The following JPH1 variants were observed in gnomAD, a reference collection of about 807,000 sequenced individuals.
JPH1 encodes junctophilin 1, also known as junctophilin-1.
Under a neutral mutation model 53.6 loss-of-function variants are expected in JPH1, and 12 were observed. The observed-to-expected ratio is 0.22, with a 90% CI of 0.14 to 0.36. The LOEUF (loss-of-function observed/expected upper bound fraction) is 0.36, where lower values mean the gene tolerates loss of function less well. JPH1 is among the 10% of genes least tolerant of loss of function. The probability of loss-of-function intolerance (pLI) is 1.00; values close to 1 mark genes in which losing one functional copy is unlikely to be tolerated. For missense variants in JPH1, 808 were observed against 905.5 expected, an observed-to-expected ratio of 0.89 and a Z score of 1.38; for synonymous variants, 375 against 363.8, an observed-to-expected ratio of 1.03 and a Z score of -0.35.
intron 3 of JPH1, among the ~76,000 whole-genome samples, chr8:74,249,101 C>T (rs927738812): frequency 1.3e-5 from 2 of 152,174 alleles, no homozygotes; most frequent in African/African-American, 2.4e-5. Context: ...AAAGGTTACT[C>T]GTTACAGTTG....
At chr8:74,306,347 T>C (rs1197563356) in intron 2 of JPH1, among the ~76,000 whole-genome samples, 1 of 152,214 alleles carries the variant, frequency 6.6e-6, no homozygotes, top group African/African-American at 2.4e-5. Flanking sequence ...CCCCTTGATA[T>C]GGACAATCAT....
At chr8:74,293,324 A>G (rs1294691273) in intron 2 of JPH1, among the ~76,000 whole-genome samples, 3 of 152,202 alleles carry the variant, frequency 2.0e-5, no homozygotes, top group Non-Finnish European at 4.4e-5. Flanking sequence ...ATGTGACCCC[A>G]TAAGAGTAAG....
At chr8:74,285,633 T>C (rs950591740) in intron 2 of JPH1, among the ~76,000 whole-genome samples, 6 of 83,576 alleles carry the variant, frequency 7.2e-5, no homozygotes, top group Non-Finnish European at 1.1e-4. Context: ...TCCCACCTAG[T>C]GTGATTATTC....
intron 4 of JPH1, among the ~76,000 whole-genome samples, chr8:74,240,051 A>G (rs187410917): frequency 6.6e-6 from 1 of 152,144 alleles, no homozygotes; most frequent in South Asian, 2.1e-4. Context: ...GGCTCACCGT[A>G]ACCTCTGCCT....
chr8:74,250,556 G>A (rs1806016299), intron 3 of JPH1, among the ~76,000 whole-genome samples: 1 of 152,342 alleles, frequency 6.6e-6, no homozygotes, highest in East Asian at 1.9e-4. Context: ...AAGCAAGCTT[G>A]TACAACCCGT....
chr8:74,305,144 A>G (rs907898543), intron 2 of JPH1, among the ~76,000 whole-genome samples: 1 of 152,260 alleles, frequency 6.6e-6, no homozygotes, highest in Non-Finnish European at 1.5e-5. Flanking sequence ...TATTTCATCT[A>G]TAATAAGAAA....
chr8:74,269,820 C>T (rs188127190), intron 2 of JPH1, among the ~76,000 whole-genome samples: 1 of 152,342 alleles, frequency 6.6e-6, no homozygotes, highest in African/African-American at 2.4e-5. Context: ...GTCTCCTAAC[C>T]TTTAGGATGA....
At chr8:74,287,757 A>G (rs1444246709) in intron 2 of JPH1, among the ~76,000 whole-genome samples, 3 of 151,846 alleles carry the variant, frequency 2.0e-5, no homozygotes, top group Non-Finnish European at 4.4e-5. Flanking sequence ...CTGACTATAC[A>G]TTTCATTCAC....
At chr8:74,237,498 C>A (rs1376147068) in intron 4 of JPH1, among the ~76,000 whole-genome samples, 195 bp from the exon 5 acceptor site, 1 of 152,228 alleles carries the variant, frequency 6.6e-6, no homozygotes, top group East Asian at 1.9e-4. Context: ...AGAACCTTCA[C>A]TTAAAAATGA....
At chr8:74,319,183 A>G (rs1808244201) in intron 1 of JPH1, among the ~76,000 whole-genome samples, 1 of 152,190 alleles carries the variant, frequency 6.6e-6, no homozygotes, top group South Asian at 2.1e-4. Context: ...ATTACTAGGT[A>G]TAATGAATAC....
At chr8:74,264,098 G>C (rs1486453106) in intron 2 of JPH1, among the ~76,000 whole-genome samples, 1 of 152,174 alleles carries the variant, frequency 6.6e-6, no homozygotes, top group Non-Finnish European at 1.5e-5. Context: ...GCTCAGCACA[G>C]GTACACATAG....
At chr8:74,241,461 G>C (rs957815164) in intron 4 of JPH1, among the ~76,000 whole-genome samples, 4 of 152,054 alleles carry the variant, frequency 2.6e-5, no homozygotes, top group Non-Finnish European at 5.9e-5. Context: ...CAGGGCACAG[G>C]GTAAGTCTTG....
At chr8:74,256,308 C>T (rs184010067) in intron 3 of JPH1, among the ~76,000 whole-genome samples, 10 of 151,450 alleles carry the variant, frequency 6.6e-5, no homozygotes, top group South Asian at 4.2e-4. Context: ...AACCAAACAC[C>T]GCATGTTCTC....
chr8:74,270,740 C>T (rs1452921971), intron 2 of JPH1, among the ~76,000 whole-genome samples: 1 of 152,180 alleles, frequency 6.6e-6, no homozygotes, highest in Non-Finnish European at 1.5e-5. Context: ...TCCTCTGGTC[C>T]TCATAGATTG....
intron 4 of JPH1, among the ~76,000 whole-genome samples, chr8:74,243,305 A>G (rs894416710): frequency 3.3e-5 from 5 of 152,260 alleles, no homozygotes; most frequent in Admixed American, 6.5e-5. Context: ...AAGAGTCAGA[A>G]TCTTAAAGTT....
At chr8:74,248,952 A>C (rs897015900) in intron 3 of JPH1, among the ~76,000 whole-genome samples, 1 of 152,240 alleles carries the variant, frequency 6.6e-6, no homozygotes, top group African/African-American at 2.4e-5. Flanking sequence ...TATAGACAGT[A>C]TCTATGAATC....
rs367954214 is a variant in JPH1, at chr8:74,292,093, G to A, written c.1139+22768C>T. On this transcript the variant is annotated intron_variant, in intron 2 of 5. Transcript: ENST00000342232. ...TAATGTAAATGACGAGTTAATGGGT[G>A]CAGCACACCAACATGGCACATGTAT... Among the ~76,000 whole-genome samples the A allele has an allele frequency of 2.0e-5, 3 of 152,272 alleles. No individual in the cohort carries two copies. The South Asian group carries it at 6.2e-4, about 32-fold the overall frequency.
At chr8:74,270,606 G>A (rs1238738009) in intron 2 of JPH1, among the ~76,000 whole-genome samples, 1 of 152,196 alleles carries the variant, frequency 6.6e-6, no homozygotes, top group East Asian at 1.9e-4. Flanking sequence ...ATGAATGCAT[G>A]TACATCAAGA....
At chr8:74,309,297 C>T (rs757024663) in intron 2 of JPH1, among the ~76,000 whole-genome samples, 4 of 152,190 alleles carry the variant, frequency 2.6e-5, no homozygotes, top group Non-Finnish European at 5.9e-5. Context: ...AAGTTACCTA[C>T]TAACTTGCTA....
Sources: gnomAD v4.1 joint callset for allele counts (sites outside exome capture counted in the v4.1 genomes callset) on GRCh38, gnomAD v4.1.1 for gene constraint, MANE v1.5 for transcripts, NCBI Gene and HGNC (gene_info 2026-07-23, HGNC 2026-07-21) for gene names.